Variants in WDHD1 observed in about 807,000 individuals in gnomAD.
WDHD1 encodes WD repeat and HMG-box DNA-binding protein 1.
Under a neutral mutation model 135.4 loss-of-function variants are expected in WDHD1, and 111 were observed. The observed-to-expected ratio is 0.82, with a 90% CI of 0.70 to 0.96. The LOEUF (loss-of-function observed/expected upper bound fraction) is 0.96. Ranked by LOEUF, WDHD1 falls within the 40% of genes least tolerant of loss-of-function variation. The pLI is 0.00. For synonymous variants in WDHD1, 434 were observed against 439.0 expected (o/e 0.99, Z 0.14); for missense variants, 1,351 against 1,336.3 (o/e 1.01, Z -0.17).
chr14:54,993,363 T>C (rs2041822732), intron 11 of WDHD1, among the ~76,000 whole-genome samples: 1 of 152,100 alleles, frequency 6.6e-6, no homozygotes, highest in Non-Finnish European at 1.5e-5. Context: ...CAAGCAATCC[T>C]CCTGCCTGGG....
At chr14:55,010,253 T>C (rs1278413599) in intron 4 of WDHD1, 56 bp downstream of exon 4, 2 of 1,426,484 alleles carry the variant, frequency 1.4e-6, no homozygotes, top group East Asian at 5.1e-5. Context: ...CTGAAACAAA[T>C]AAACAAGGCC....
chr14:55,005,615 A>T (rs1254056374), intron 7 of WDHD1: 1 of 597,506 alleles, frequency 1.7e-6, no homozygotes, highest in East Asian at 4.0e-5. Context: ...GGTGCTACCT[A>T]AGTGGGTTCC....
chr14:55,021,418 T>G (rs2140233474), intron 2 of WDHD1, among the ~76,000 whole-genome samples: 1 of 152,332 alleles, frequency 6.6e-6, no homozygotes, highest in South Asian at 2.1e-4. Flanking sequence ...TTTTTTTTTT[T>G]TTTGGAGACA....
chr14:55,002,306 G>C (rs1247316642), intron 7 of WDHD1, 121 bp from the exon 8 acceptor site: 10 of 715,088 alleles, frequency 1.4e-5, no homozygotes, highest in African/African-American at 1.8e-5. Flanking sequence ...AGTTTTTATT[G>C]TTTCTGTTTT....
At chr14:54,975,520 G>C (rs1161210898) in intron 16 of WDHD1, among the ~76,000 whole-genome samples, 2 of 151,964 alleles carry the variant, frequency 1.3e-5, no homozygotes, top group Admixed American at 1.3e-4. Flanking sequence ...GCTAATTTTT[G>C]TATTTTTAGT....
chr14:54,958,344 C>G (rs1449581764), intron 21 of WDHD1, among the ~76,000 whole-genome samples: 1 of 152,124 alleles, frequency 6.6e-6, no homozygotes. Context: ...CCAGGCTGGT[C>G]TTGAACTCCT....
intron 7 of WDHD1, among the ~76,000 whole-genome samples, chr14:55,003,095 T>G (rs541273187): frequency 1.3e-5 from 2 of 152,288 alleles, no homozygotes; most frequent in Middle Eastern, 3.4e-3. Context: ...ATTAGTAACA[T>G]ATAATAAAAA....
intron 15 of WDHD1, among the ~76,000 whole-genome samples, chr14:54,984,054 A>G (rs117444046): frequency 0.025 from 3,762 of 152,334 alleles, 66 homozygotes; most frequent in South Asian, 0.04. Flanking sequence ...TGTAGTAAAC[A>G]GTGAAGCTCT....
Position 54,984,861 on chromosome 14 carries a change from C to A in WDHD1, c.1769-1G>T. ...CACTGATCCCCATCAAATCCTGTAC[C>A]TAATGAGAAAATGTAAATATAAATC... On this transcript the variant is annotated splice_acceptor_variant, in intron 14 of 25. Transcript: ENST00000360586. LOFTEE classifies it high-confidence loss of function. 1.9e-6 allele frequency: 3 copies of A among 1,607,956 alleles called. No individual in the cohort carries two copies. The highest frequency in any genetic ancestry group is 2.5e-6 in the Non-Finnish European group (3 of 1,178,244).
chr14:54,996,699 A>T (rs1172179767), intron 10 of WDHD1, among the ~76,000 whole-genome samples: 1 of 150,680 alleles, frequency 6.6e-6, no homozygotes, highest in African/African-American at 2.5e-5. Context: ...AAAACTACAA[A>T]TGTTAAGCCA....
chr14:54,962,037 G>A (rs187198680), intron 21 of WDHD1, among the ~76,000 whole-genome samples: 174 of 152,098 alleles, frequency 1.1e-3, no homozygotes, highest in Non-Finnish European at 2.0e-3. Context: ...GGGTTTCACC[G>A]TGTTGGCCAG....
At chr14:54,957,002 C>T (rs1488121291) in intron 23 of WDHD1, 32 bp downstream of exon 23, 1 of 1,602,234 alleles carries the variant, frequency 6.2e-7, no homozygotes, top group South Asian at 1.1e-5. Flanking sequence ...TCCCATGCTG[C>T]TTACTGCAGA....
At chr14:54,963,607 A>G (rs984299009) in intron 18 of WDHD1, among the ~76,000 whole-genome samples, 4 of 152,170 alleles carry the variant, frequency 2.6e-5, no homozygotes, top group Non-Finnish European at 5.9e-5. Context: ...GTTCGAGATC[A>G]GCCTGGCCAA....
At chr14:54,982,936 AG>A (rs2041641400) in intron 15 of WDHD1, among the ~76,000 whole-genome samples, 1 of 152,024 alleles carries the variant, frequency 6.6e-6, no homozygotes, top group Non-Finnish European at 1.5e-5. Flanking sequence ...AGGCTGAGGC[AG>A]GTGGATCACC....
intron 25 of WDHD1, among the ~76,000 whole-genome samples, chr14:54,943,569 T>G (rs979295190): frequency 1.3e-5 from 2 of 152,056 alleles, no homozygotes; most frequent in Non-Finnish European, 2.9e-5. Context: ...AGGCTAATTT[T>G]TAAATTTTTG....
chr14:54,984,801 T>C lies in WDHD1; in HGVS notation c.1828A>G (p.Lys610Glu), dbSNP rs1182165823. The C allele has an allele frequency of 6.2e-7, 1 of 1,614,014 alleles. No homozygotes were observed. The highest frequency in any genetic ancestry group is 1.7e-5 in the Admixed American group (1 of 60,010). ...GVQLLELGKKKKQILHGDPLP... is the reference protein window; with the variant it reads ...GVQLLELGKKEKQILHGDPLP... ...GGGTCACCATGCAAAATTTGTTTTT[T>C]CTTTTTCCCCAGCTCTAGCAGTTGA... Residue 610 changes from lysine (K) to glutamate (E), a missense_variant, in exon 15 of 26, where the codon AAA becomes GAA. Physicochemically the swap from Lys to Glu is moderately conservative, Grantham distance 56. Transcript: ENST00000360586.
Position 54,941,488 on chromosome 14 carries a change from C to T in WDHD1, c.*2G>A, listed in dbSNP as rs144290065. 467 of 1,607,758 alleles carry T rather than the reference C, an allele frequency of 2.9e-4. 1 individual carries two copies. The African/African-American group carries it at 5.6e-3, about 19-fold the overall frequency. On this transcript the variant is annotated 3_prime_UTR_variant, in exon 26 of 26. Coordinates refer to ENST00000360586, the MANE Select transcript of WDHD1 (RefSeq NM_007086.4). ...TTACTTCCCTAGGGTCACTTTCTTC[C>T]TTTACTCCTGCTTAAATGCAAAAGC...
chr14:54,973,505 T>A (rs1015476063), intron 16 of WDHD1, among the ~76,000 whole-genome samples: 1 of 152,202 alleles, frequency 6.6e-6, no homozygotes, highest in Non-Finnish European at 1.5e-5. Flanking sequence ...CTTCCTTCTC[T>A]CCTTTTATGA....
intron 2 of WDHD1, among the ~76,000 whole-genome samples, chr14:55,018,528 A>G (rs934820056): frequency 4.6e-5 from 7 of 152,202 alleles, no homozygotes; most frequent in Non-Finnish European, 8.8e-5. Context: ...GAAACATCCA[A>G]AAGAATCATA....
Sources: gnomAD v4.1 joint callset for allele counts (sites outside exome capture counted in the v4.1 genomes callset) on GRCh38, gnomAD v4.1.1 for gene constraint, MANE v1.5 for transcripts, NCBI Gene and HGNC (gene_info 2026-07-23, HGNC 2026-07-21) for gene names.